PCDHA7: variants seen among roughly 807,000 people sequenced by gnomAD.
PCDHA7 encodes the protein protocadherin alpha-7.
In PCDHA7, 37 loss-of-function variants were observed where a neutral mutation model predicts 57.2. The ratio of observed to expected loss-of-function variants is 0.65; its 90% CI spans 0.50 to 0.85. PCDHA7 has a LOEUF of 0.85. Ranked by LOEUF, PCDHA7 falls within the 40% of genes least tolerant of loss-of-function variation. The pLI is 0.00. For synonymous variants in PCDHA7, 553 were observed against 558.8 expected (o/e 0.99, Z 0.15); for missense variants, 1,188 against 1,241.8 (o/e 0.96, Z 0.65).
At chr5:140,877,166 T>C in intron 1 of PCDHA7, 3 of 1,613,836 alleles carry the variant, frequency 1.9e-6, no homozygotes, top group Non-Finnish European at 2.5e-6. Context: ...GCGCCGGCAC[T>C]GCTGGCGACT....
At chr5:140,883,773 G>T (rs1362933627) in intron 1 of PCDHA7, 4 of 1,612,256 alleles carry the variant, frequency 2.5e-6, no homozygotes, top group Admixed American at 1.7e-5. Flanking sequence ...GTGGGCGAGC[G>T]TGCGCTGTCG....
chr5:140,842,192 G>T (rs2150331449), intron 1 of PCDHA7: 27 of 1,613,606 alleles, frequency 1.7e-5, no homozygotes, highest in Non-Finnish European at 2.2e-5. Flanking sequence ...TATGGTTATT[G>T]ACCACTTTAG....
At position 140,851,996 on chromosome 5, in the gene PCDHA7, G is replaced by A. The variant is rs782761862; in HGVS notation, c.2355+15258G>A. ...TACCTTTAGTGCAAGCTATTTGTTT[G>A]TTTTCTAATTTATAGTTTTAAAAAC... On this transcript the variant is annotated intron_variant, in intron 1 of 3. Transcript: ENST00000525929. The A allele has an allele frequency of 4.9e-4, 481 of 975,902 alleles. 33 individuals carry two copies. Among genetic ancestry groups the A allele is most frequent in the Admixed American group, 1.4e-3 (23 of 15,868 alleles). The allele number at this position is 975,902 out of a possible 1,614,324, so 60.5% of individuals were successfully genotyped here.
chr5:140,870,658 C>G, intron 1 of PCDHA7: 3 of 1,612,534 alleles, frequency 1.9e-6, no homozygotes, highest in Non-Finnish European at 2.5e-6. Context: ...GGTGTACGCG[C>G]TGCAGCCGTT....
At chr5:140,889,159 A>G (rs1392016642) in intron 1 of PCDHA7, among the ~76,000 whole-genome samples, 1 of 151,652 alleles carries the variant, frequency 6.6e-6, no homozygotes, top group Non-Finnish European at 1.5e-5. Context: ...CTTCTTTGTT[A>G]AGTATTCAAG....
chr5:140,943,696 A>G (rs2093549628), intron 1 of PCDHA7, among the ~76,000 whole-genome samples: 1 of 152,256 alleles, frequency 6.6e-6, no homozygotes, highest in South Asian at 2.1e-4. Context: ...AGGTCAAAAT[A>G]TTGTGGAACA....
At chr5:140,968,580 C>T (rs782395602) in intron 1 of PCDHA7, 1 of 1,614,218 alleles carries the variant, frequency 6.2e-7, no homozygotes, top group Admixed American at 1.7e-5. Context: ...TACCTGGTCA[C>T]CAAAGTCATA....
rs782133260 is a variant in PCDHA7 at position 140,856,504 on chromosome 5, A to G, written c.2355+19766A>G. 3.8e-6 allele frequency: 6 copies of G among 1,598,348 alleles called. 1 individual carries two copies. The highest frequency in any genetic ancestry group is 8.6e-7 in the Non-Finnish European group (1 of 1,167,852). ...CCAGACTGCTTGACTCTCGATTTCC[A>G]CTAGAAGGCGCATCTGATGCGGATG... On this transcript the variant is annotated intron_variant, in intron 1 of 3. Transcript: ENST00000525929.
At chr5:140,898,816 C>T (rs1216644860) in intron 1 of PCDHA7, among the ~76,000 whole-genome samples, 5 of 152,148 alleles carry the variant, frequency 3.3e-5, no homozygotes, top group African/African-American at 1.2e-4. Context: ...TTCTTCCTAC[C>T]CATGAGCATG....
At chr5:140,843,585 C>A in intron 1 of PCDHA7, 2 of 1,596,014 alleles carry the variant, frequency 1.3e-6, no homozygotes, top group East Asian at 2.2e-5. Context: ...CAACAACAGC[C>A]GCAGAGGGTG....
intron 1 of PCDHA7, chr5:140,843,223 T>G (rs1296347203): frequency 6.3e-7 from 1 of 1,595,904 alleles, no homozygotes; most frequent in Non-Finnish European, 8.6e-7. Flanking sequence ...TCAGCACCAC[T>G]CGTGTCCTGG....
intron 1 of PCDHA7, chr5:140,928,603 C>A: frequency 1.2e-6 from 2 of 1,614,208 alleles, no homozygotes; most frequent in South Asian, 2.2e-5. Flanking sequence ...GGAAATTGTG[C>A]CCCGCTCTGC....
chr5:140,844,721 G>A (rs2150373473), intron 1 of PCDHA7, among the ~76,000 whole-genome samples: 7 of 149,390 alleles, frequency 4.7e-5, no homozygotes, highest in African/African-American at 1.5e-4. Flanking sequence ...CCATTAGTTC[G>A]TGTAAAAATA....
At chr5:140,977,104 A>C (rs2096746104) in intron 1 of PCDHA7, among the ~76,000 whole-genome samples, 1 of 152,242 alleles carries the variant, frequency 6.6e-6, no homozygotes, top group Admixed American at 6.5e-5. Flanking sequence ...TGGGGAAGTG[A>C]GATTGTATAA....
chr5:140,877,366 A>G (rs1358364554), intron 1 of PCDHA7: 1 of 1,613,868 alleles, frequency 6.2e-7, no homozygotes, highest in Non-Finnish European at 8.5e-7. Context: ...TGGCGAGATC[A>G]GCACGACACG....
At chr5:140,926,911 G>A (rs1248832475) in intron 1 of PCDHA7, 4 of 1,561,318 alleles carry the variant, frequency 2.6e-6, no homozygotes, top group Non-Finnish European at 3.5e-6. Flanking sequence ...CTGTGGGGTG[G>A]CAGTTTTATG....
chr5:140,896,046 G>A (rs1430238321), intron 1 of PCDHA7, among the ~76,000 whole-genome samples: 2 of 151,866 alleles, frequency 1.3e-5, no homozygotes, highest in East Asian at 1.9e-4. Context: ...CCTGACCTCA[G>A]GTGATCCGCC....
chr5:140,940,774 G>T (rs1554213602), intron 1 of PCDHA7, among the ~76,000 whole-genome samples: 4 of 151,994 alleles, frequency 2.6e-5, no homozygotes, highest in African/African-American at 7.3e-5. Context: ...GACTTTTGAT[G>T]GTCCATATCC....
chr5:140,877,467 G>T (rs1554169776), intron 1 of PCDHA7: 2 of 1,613,868 alleles, frequency 1.2e-6, no homozygotes, highest in Non-Finnish European at 1.7e-6. Flanking sequence ...CGGCCACGGT[G>T]CTGGTGTCGC....
Sources: allele counts gnomAD v4.1 joint callset (sites outside exome capture counted in the v4.1 genomes callset), GRCh38; gene constraint gnomAD v4.1.1; transcripts MANE v1.5; gene names NCBI Gene and HGNC (gene_info 2026-07-23, HGNC 2026-07-21).